PARD3: variants seen among roughly 807,000 people sequenced by gnomAD.
PARD3 encodes par-3 family cell polarity regulator, also known as partitioning defective 3 homolog.
A neutral mutation model predicts 155.4 loss-of-function variants in PARD3; 75 were observed. The observed-to-expected ratio is 0.48, with a 90% CI of 0.40 to 0.58. PARD3 has a LOEUF of 0.58. Among genes scored for constraint, PARD3 ranks in the 20% least tolerant of loss-of-function variants. The pLI, the probability that PARD3 is intolerant of heterozygous loss-of-function variation, is 0.00. For synonymous variants in PARD3, 576 were observed against 610.5 expected (o/e 0.94, Z 0.83); for missense variants, 1,642 against 1,721.7 (o/e 0.95, Z 0.82).
intron 3 of PARD3, among the ~76,000 whole-genome samples, chr10:34,513,252 A>G (rs1200633074): frequency 6.6e-6 from 1 of 152,120 alleles, no homozygotes; most frequent in Non-Finnish European, 1.5e-5. Flanking sequence ...TACTTCCTCC[A>G]TCCTATTCTC....
In PARD3 at chr10:34,699,559, C is replaced by T. The variant is rs746291298; in HGVS notation, c.121-3140G>A. ...CCAGTATCCAGTGAGAAAAAGTTAG[C>T]GCATACTTATTGATTCCACTTTGTA... is the stretch of plus-strand genomic sequence containing the variant. On this transcript the variant is annotated intron_variant, in intron 1 of 24. Transcript: ENST00000374788. Among the ~76,000 whole-genome samples, 6 of 152,212 alleles carry T rather than the reference C, an allele frequency of 3.9e-5. No homozygotes were observed. The South Asian group carries it at 6.2e-4, about 16-fold the overall frequency.
chr10:34,456,911 A>C (rs980319754), intron 4 of PARD3, among the ~76,000 whole-genome samples: 13 of 152,176 alleles, frequency 8.5e-5, no homozygotes, highest in Non-Finnish European at 1.6e-4. Context: ...TGAGGAACTC[A>C]AGAATTCTGA....
intron 1 of PARD3, among the ~76,000 whole-genome samples, chr10:34,767,335 C>G (rs1038258932): frequency 2.6e-5 from 4 of 152,098 alleles, no homozygotes; most frequent in Non-Finnish European, 5.9e-5. Context: ...GATGGCACAG[C>G]AGCTGGGAAG....
intron 2 of PARD3, among the ~76,000 whole-genome samples, chr10:34,673,881 T>C (rs1309619628): frequency 6.6e-6 from 1 of 151,002 alleles, no homozygotes; most frequent in Non-Finnish European, 1.5e-5. Context: ...ATCCCAGCTA[T>C]GTGGGAGGCT....
At chr10:34,652,148 T>C (rs1389573456) in intron 2 of PARD3, among the ~76,000 whole-genome samples, 2 of 152,176 alleles carry the variant, frequency 1.3e-5, no homozygotes, top group Admixed American at 1.3e-4. Flanking sequence ...CAAGTGATTC[T>C]CCCACCTCAG....
intron 2 of PARD3, among the ~76,000 whole-genome samples, chr10:34,566,864 C>CT (rs2085986226): frequency 6.6e-6 from 1 of 152,112 alleles, no homozygotes; most frequent in Non-Finnish European, 1.5e-5. Flanking sequence ...AAGAATATAT[C>CT]TTTAAGTGTT....
chr10:34,463,841 A>G (rs1158969949), intron 4 of PARD3, among the ~76,000 whole-genome samples: 1 of 152,204 alleles, frequency 6.6e-6, no homozygotes, highest in Non-Finnish European at 1.5e-5. Flanking sequence ...CTAAATATGA[A>G]TGCATTGTGT....
chr10:34,763,511 T>C (rs1000956437), intron 1 of PARD3, among the ~76,000 whole-genome samples: 3 of 152,130 alleles, frequency 2.0e-5, no homozygotes, highest in African/African-American at 7.2e-5. Context: ...AAATCTGTAA[T>C]TATTTCAAAA....
At chr10:34,578,207 A>C (rs2134223979) in intron 2 of PARD3, among the ~76,000 whole-genome samples, 1 of 151,936 alleles carries the variant, frequency 6.6e-6, no homozygotes, top group South Asian at 2.1e-4. Context: ...TCCAACCAAA[A>C]CACAGCAAAA....
rs1017570049 is a variant in PARD3, at chr10:34,777,087, G to A, written c.120+37789C>T. 1.9e-4 allele frequency among the ~76,000 whole-genome samples: 27 copies of A among 145,732 alleles called. 1 individual carries two copies. Among genetic ancestry groups the A allele is most frequent in the Non-Finnish European group, 3.0e-5 (2 of 67,444 alleles). On this transcript the variant is annotated intron_variant, in intron 1 of 24. Coordinates refer to ENST00000374788, the MANE Select transcript of PARD3 (RefSeq NM_001184785.2). ...AGGCTGGTCTCAAACTCCTGACCTC[G>A]TGATCCACCCACTTCGGCCTCCCAA...
chr10:34,410,265 T>C (rs1340694889), intron 5 of PARD3, among the ~76,000 whole-genome samples: 2 of 152,190 alleles, frequency 1.3e-5, no homozygotes, highest in African/African-American at 2.4e-5. Context: ...AGATGATTTC[T>C]GTCTTTTCCT....
intron 2 of PARD3, among the ~76,000 whole-genome samples, chr10:34,556,956 C>T (rs998183552): frequency 7.2e-5 from 11 of 152,128 alleles, no homozygotes; most frequent in Admixed American, 7.2e-4. Context: ...CAAGCCAAGC[C>T]AGGTGAGATG....
At chr10:34,379,275 G>A (rs1231570570) in intron 9 of PARD3, among the ~76,000 whole-genome samples, 7 of 152,046 alleles carry the variant, frequency 4.6e-5, no homozygotes. Flanking sequence ...AACATTAAAG[G>A]AGAAATAAAG....
At chr10:34,762,254 G>C (rs531673254) in intron 1 of PARD3, among the ~76,000 whole-genome samples, 1 of 135,312 alleles carries the variant, frequency 7.4e-6, no homozygotes, top group African/African-American at 2.7e-5. Context: ...GGCAGGGAGG[G>C]AGAGGGAGAG....
chr10:34,605,753 A>C (rs867564653), intron 2 of PARD3, among the ~76,000 whole-genome samples: 1 of 5,668 alleles, frequency 1.8e-4, no homozygotes, highest in African/African-American at 1.0e-3. Context: ...ATATATATAT[A>C]TCTCCTATAT....
chr10:34,717,619 G>C (rs1300656199), intron 1 of PARD3, among the ~76,000 whole-genome samples: 1 of 152,112 alleles, frequency 6.6e-6, no homozygotes, highest in Admixed American at 6.5e-5. Context: ...GCAGATTACT[G>C]GAAAAGCCTT....
Position 34,815,057 on chromosome 10 carries a change from G to C in PARD3, c.-62C>G. 2.6e-6 allele frequency: 3 copies of C among 1,169,008 alleles called. No individual in the cohort carries two copies. The highest frequency in any genetic ancestry group is 2.1e-6 in the Non-Finnish European group (2 of 935,088). 72.4% of individuals were successfully genotyped at this position (1,169,008 alleles called of 1,614,324 possible). A position where few individuals can be genotyped will look rare whatever the true frequency, so the allele number is the denominator to read the frequency against. ...GAGCGCAGCCGGAGCAGCCGAGGCC[G>C]GGACCGAGGACGCTGGGCGCGGAGG... On this transcript the variant is annotated 5_prime_UTR_variant, in exon 1 of 25. Coordinates refer to ENST00000374788, the MANE Select transcript of PARD3 (RefSeq NM_001184785.2).
In PARD3 at chr10:34,317,131, A is replaced by G. The variant is rs1958058825; in HGVS notation, c.3041T>C (p.Leu1014Pro). 2.6e-6 allele frequency: 4 copies of G among 1,563,538 alleles called. No homozygotes were observed. The highest frequency in any genetic ancestry group is 3.5e-6 in the Non-Finnish European group (4 of 1,152,894). The change falls in exon 20 of 25, where the codon CTG (leucine) becomes CCG (proline). Residue 1014 changes from leucine (L) to proline (P), a missense_variant. Coordinates refer to ENST00000374788, the MANE Select transcript of PARD3 (RefSeq NM_001184785.2). ...KDKMKAKKGM[L>P]KGLGDMFRFG... is the part of the protein sequence containing the mutation. ...CCTGAACATGTCTCCCAAGCCCTTC[A>G]GCATTCCCTTCTTGGCTTTCATTTT... is the stretch of plus-strand genomic sequence containing the variant.
intron 2 of PARD3, among the ~76,000 whole-genome samples, chr10:34,550,929 C>CTTCACT (rs2084501486): frequency 6.6e-6 from 1 of 152,118 alleles, no homozygotes; most frequent in Non-Finnish European, 1.5e-5. Context: ...TACATATGCC[C>CTTCACT]TTCACTTTCA....
Sources: gnomAD v4.1 joint callset for allele counts (sites outside exome capture counted in the v4.1 genomes callset) on GRCh38, gnomAD v4.1.1 for gene constraint, MANE v1.5 for transcripts, NCBI Gene and HGNC (gene_info 2026-07-23, HGNC 2026-07-21) for gene names.